Variants in KCND3 observed in about 807,000 individuals in gnomAD.
KCND3 encodes potassium voltage-gated channel subfamily D member 3, also known as A-type voltage-gated potassium channel KCND3.
In KCND3, 9 loss-of-function variants were observed where a neutral mutation model predicts 51.1. That is an observed-to-expected ratio of 0.18 (90% CI 0.11 to 0.31). The LOEUF is 0.31. KCND3 is among the 10% of genes least tolerant of loss of function. The pLI is 1.00. For synonymous variants in KCND3, 349 were observed against 368.0 expected (o/e 0.95, Z 0.59); for missense variants, 526 against 903.8 (o/e 0.58, Z 5.36).
chr1:111,944,298 T>G (rs557221997), intron 2 of KCND3, among the ~76,000 whole-genome samples: 1 of 152,310 alleles, frequency 6.6e-6, no homozygotes, highest in African/African-American at 2.4e-5. Context: ...GCAATGGCTG[T>G]GCTGCTGGCT....
At chr1:111,921,320 AT>A (rs1671467421) in intron 2 of KCND3, among the ~76,000 whole-genome samples, 1 of 152,226 alleles carries the variant, frequency 6.6e-6, no homozygotes, top group African/African-American at 2.4e-5. Context: ...AATCTCTTCC[AT>A]GAAGCCAGAG....
chr1:111,848,055 T>C (rs1164438525), intron 2 of KCND3, among the ~76,000 whole-genome samples: 1 of 152,204 alleles, frequency 6.6e-6, no homozygotes, highest in Non-Finnish European at 1.5e-5. Context: ...TCTTGAGACA[T>C]TGCCTGTGTT....
At chr1:111,834,280 C>A (rs987050345) in intron 2 of KCND3, among the ~76,000 whole-genome samples, 1 of 152,202 alleles carries the variant, frequency 6.6e-6, no homozygotes. Flanking sequence ...TGTCTTTAAA[C>A]ACCAAAGCAG....
At chr1:111,895,673 T>C (rs536071193) in intron 2 of KCND3, among the ~76,000 whole-genome samples, 2 of 152,352 alleles carry the variant, frequency 1.3e-5, no homozygotes, top group South Asian at 4.1e-4. Context: ...GAGTAACCCC[T>C]TCTCCATATG....
chr1:111,796,997 C>T (rs1228800430), intron 2 of KCND3, among the ~76,000 whole-genome samples: 3 of 152,200 alleles, frequency 2.0e-5, no homozygotes, highest in Non-Finnish European at 4.4e-5. Flanking sequence ...GTCTTGCCAC[C>T]TCAATGGCTG....
chr1:111,955,142 C>T (rs146340002), intron 2 of KCND3, among the ~76,000 whole-genome samples: 24 of 152,342 alleles, frequency 1.6e-4, no homozygotes, highest in African/African-American at 5.8e-4. Flanking sequence ...CTGCCCGGAA[C>T]AGTGGCCTGT....
chr1:111,911,706 A>G (rs1197775187), intron 2 of KCND3, among the ~76,000 whole-genome samples: 1 of 152,246 alleles, frequency 6.6e-6, no homozygotes. Context: ...ATGCAAGTAC[A>G]TATTGCCACC....
intron 1 of KCND3, chr1:111,989,043 C>T (rs1675473742): frequency 6.6e-6 from 1 of 152,232 alleles, no homozygotes; most frequent in South Asian, 2.1e-4. Context: ...TCGGGCAGGA[C>T]CAGATGGACT....
rs536151088 is a variant in KCND3 at position 111,973,069 on chromosome 1, C to T, written c.1106+8552G>A. 4.5e-4 allele frequency among the ~76,000 whole-genome samples: 68 copies of T among 152,312 alleles called. No homozygotes were observed. In the South Asian group the frequency reaches 0.013, roughly 29 times the overall value. ...ATTCCCACATCAAGAATCATAAAAA[C>T]ATTATTTCCATCAGTCTTTGACATG... On this transcript the variant is annotated intron_variant, in intron 2 of 7. Coordinates refer to ENST00000302127, the MANE Select transcript of KCND3 (RefSeq NM_001378969.1).
At chr1:111,848,041 A>G (rs138035124) in intron 2 of KCND3, among the ~76,000 whole-genome samples, 203 of 152,108 alleles carry the variant, frequency 1.3e-3, no homozygotes, top group Admixed American at 2.7e-3. Context: ...CTGCCACCTC[A>G]CCTTCTTGAG....
chr1:111,845,956 G>A (rs575853787), intron 2 of KCND3, among the ~76,000 whole-genome samples: 2 of 152,272 alleles, frequency 1.3e-5, no homozygotes, highest in South Asian at 4.2e-4. Context: ...CTTCAGCCTA[G>A]TCTCTCTAGA....
At chr1:111,924,314 G>A (rs1348896935) in intron 2 of KCND3, among the ~76,000 whole-genome samples, 3 of 152,196 alleles carry the variant, frequency 2.0e-5, no homozygotes, top group South Asian at 2.1e-4. Context: ...CAGCTATAAA[G>A]TGGTCTCTGA....
Position 111,773,329 on chromosome 1 carries a change from A to G in KCND3, c.*2748T>C, listed in dbSNP as rs1041839892. 6.6e-6 allele frequency: 1 copy of G among 151,958 alleles called. No individual in the cohort carries two copies. Among genetic ancestry groups the G allele is most frequent in the African/African-American group, 2.4e-5 (1 of 41,368 alleles). The allele number at this position is 151,958 out of a possible 1,614,324, so 9.4% of individuals were successfully genotyped here. A position where few individuals can be genotyped will look rare whatever the true frequency, so the allele number is the denominator to read the frequency against. On this transcript the variant is annotated 3_prime_UTR_variant, in exon 8 of 8. Transcript: ENST00000302127. Reference sequence around the variant, plus strand: ...CAGATCCTTTGTTGAATCTGTCACTATTCTAACCCTGTAATGATCTGTTCT... The same window carrying G: ...CAGATCCTTTGTTGAATCTGTCACTGTTCTAACCCTGTAATGATCTGTTCT...
At chr1:111,951,509 C>A (rs538221420) in intron 2 of KCND3, among the ~76,000 whole-genome samples, 1 of 152,262 alleles carries the variant, frequency 6.6e-6, no homozygotes, top group East Asian at 1.9e-4. Context: ...ATGGCATCTG[C>A]GTTGACCACC....
At chr1:111,904,518 G>A (rs1251278653) in intron 2 of KCND3, among the ~76,000 whole-genome samples, 1 of 152,162 alleles carries the variant, frequency 6.6e-6, no homozygotes, top group East Asian at 1.9e-4. Context: ...ACGTGAGTGT[G>A]CCTAATTGAG....
intron 6 of KCND3, 133 bp downstream of exon 6, chr1:111,778,303 G>A (rs1664218737): frequency 3.5e-6 from 3 of 850,982 alleles, no homozygotes; most frequent in Admixed American, 3.4e-5. Flanking sequence ...GGGTGTGACA[G>A]CAGAGGTAGG....
chr1:111,970,780 C>T (rs1031128013), intron 2 of KCND3, among the ~76,000 whole-genome samples: 1 of 152,222 alleles, frequency 6.6e-6, no homozygotes, highest in South Asian at 2.1e-4. Flanking sequence ...AACCTAACAT[C>T]CACCTCGAGG....
At chr1:111,831,733 G>T (rs57643462) in intron 2 of KCND3, among the ~76,000 whole-genome samples, 16,480 of 152,036 alleles carry the variant, frequency 0.11, 1,852 homozygotes, top group African/African-American at 0.29. Flanking sequence ...CTGGCCCCAC[G>T]AGAATCACCT....
At chr1:111,817,142 A>C (rs537320842) in intron 2 of KCND3, among the ~76,000 whole-genome samples, 1 of 152,166 alleles carries the variant, frequency 6.6e-6, no homozygotes, top group African/African-American at 2.4e-5. Flanking sequence ...TTAACTTTTG[A>C]ATGTTGTGAA....
Sources: gnomAD v4.1 joint callset for allele counts (sites outside exome capture counted in the v4.1 genomes callset) on GRCh38, gnomAD v4.1.1 for gene constraint, MANE v1.5 for transcripts, NCBI Gene and HGNC (gene_info 2026-07-23, HGNC 2026-07-21) for gene names.